The following GRID2 variants were observed in gnomAD, a reference collection of about 807,000 sequenced individuals.
The protein encoded by GRID2 is glutamate ionotropic receptor delta type subunit 2.
In GRID2, 33 loss-of-function variants were observed where a neutral mutation model predicts 114.8. That is an observed-to-expected ratio of 0.29 (90% CI 0.22 to 0.38). The LOEUF (loss-of-function observed/expected upper bound fraction) is 0.38, where lower values mean the gene tolerates loss of function less well. Ranked by LOEUF, GRID2 falls within the 10% of genes least tolerant of loss-of-function variation. The probability of loss-of-function intolerance (pLI) is 1.00; values close to 1 mark genes in which losing one functional copy is unlikely to be tolerated. For synonymous variants in GRID2, 505 were observed against 449.9 expected (o/e 1.12, Z -1.55); for missense variants, 1,184 against 1,257.7 (o/e 0.94, Z 0.89).
At chr4:92,308,431 A>T (rs1019104629) in intron 1 of GRID2, among the ~76,000 whole-genome samples, 10 of 152,134 alleles carry the variant, frequency 6.6e-5, no homozygotes, top group African/African-American at 2.4e-4. Flanking sequence ...AAAATACCTT[A>T]TGTCAACATG....
chr4:93,461,864 G>T (rs777862909), intron 11 of GRID2, among the ~76,000 whole-genome samples: 1 of 152,096 alleles, frequency 6.6e-6, no homozygotes, highest in Non-Finnish European at 1.5e-5. Flanking sequence ...AGTGAAACTG[G>T]ATTTGATTTT....
At chr4:92,453,471 T>C (rs918613091) in intron 1 of GRID2, among the ~76,000 whole-genome samples, 1 of 152,196 alleles carries the variant, frequency 6.6e-6, no homozygotes, top group African/African-American at 2.4e-5. Context: ...TTCATATACA[T>C]ATATGCATAC....
At chr4:92,661,478 G>C (rs1732517251) in intron 2 of GRID2, among the ~76,000 whole-genome samples, 1 of 150,732 alleles carries the variant, frequency 6.6e-6, no homozygotes, top group South Asian at 2.1e-4. Flanking sequence ...TGTCATTCTT[G>C]GTTGGGTTTC....
At chr4:92,524,196 G>A (rs1013170654) in intron 1 of GRID2, among the ~76,000 whole-genome samples, 2 of 152,032 alleles carry the variant, frequency 1.3e-5, no homozygotes, top group African/African-American at 4.8e-5. Flanking sequence ...GAAGAAAATA[G>A]AAGTAAATCC....
At chr4:92,690,843 G>A (rs1327087293) in intron 2 of GRID2, among the ~76,000 whole-genome samples, 1 of 151,392 alleles carries the variant, frequency 6.6e-6, no homozygotes, top group Admixed American at 6.6e-5. Flanking sequence ...AAAAACCTTA[G>A]TTTGTTGATT....
intron 1 of GRID2, among the ~76,000 whole-genome samples, chr4:92,486,223 C>G (rs556637042): frequency 6.6e-6 from 1 of 150,836 alleles, no homozygotes; most frequent in South Asian, 2.1e-4. Flanking sequence ...GATAGCTGAC[C>G]GGTAATCACC....
At chr4:93,313,167 C>A (rs1459752502) in intron 8 of GRID2, among the ~76,000 whole-genome samples, 1 of 151,816 alleles carries the variant, frequency 6.6e-6, no homozygotes, top group African/African-American at 2.4e-5. Flanking sequence ...GGAAAAAAAT[C>A]TGCAGGAAAA....
At chr4:92,761,704 G>A (rs1738018841) in intron 2 of GRID2, among the ~76,000 whole-genome samples, 1 of 152,024 alleles carries the variant, frequency 6.6e-6, no homozygotes, top group Non-Finnish European at 1.5e-5. Flanking sequence ...TATAAAATAT[G>A]AATAGACAAC....
intron 1 of GRID2, among the ~76,000 whole-genome samples, chr4:92,526,453 C>T (rs554806680): frequency 2.0e-5 from 3 of 152,188 alleles, no homozygotes; most frequent in Admixed American, 6.5e-5. Flanking sequence ...AAGGGATTCA[C>T]CTGCCTCAGT....
intron 14 of GRID2, among the ~76,000 whole-genome samples, chr4:93,651,106 G>A (rs185045025): frequency 6.6e-6 from 1 of 152,096 alleles, no homozygotes; most frequent in Non-Finnish European, 1.5e-5. Context: ...ACAAAAGATG[G>A]TAGTGAAATC....
chr4:93,248,567 A>C (rs1186756898), intron 8 of GRID2, among the ~76,000 whole-genome samples: 1 of 152,174 alleles, frequency 6.6e-6, no homozygotes. Flanking sequence ...CTGTAGTCTG[A>C]GAGAAAGATA....
intron 1 of GRID2, among the ~76,000 whole-genome samples, chr4:92,550,050 T>G (rs1034775544): frequency 3.3e-5 from 5 of 152,136 alleles, no homozygotes; most frequent in African/African-American, 1.2e-4. Context: ...GTGAGATAAT[T>G]AAATATTTTA....
rs565793415 is a variant in GRID2, at chr4:93,271,073, G to T, written c.1245+32583G>T. Reference sequence around the variant, plus strand: ...AGGCTACATTATATGATTTGAACTCGCAGTGTTTATGTGGAAATTATATAT... The same window carrying T: ...AGGCTACATTATATGATTTGAACTCTCAGTGTTTATGTGGAAATTATATAT... On this transcript the variant is annotated intron_variant, in intron 8 of 15. Transcript: ENST00000282020. Among the ~76,000 whole-genome samples, 23 of 152,234 alleles carry T rather than the reference G, an allele frequency of 1.5e-4. No individual in the cohort carries two copies. In the South Asian group the frequency reaches 3.7e-3, roughly 25 times the overall value.
chr4:93,807,150 G>A (rs1735049444), exon 2 of GRID2: 1 of 152,216 alleles, frequency 6.6e-6, no homozygotes. Flanking sequence ...TCTATGCAGT[G>A]GACTTCTTGC....
intron 14 of GRID2, among the ~76,000 whole-genome samples, chr4:93,756,218 T>G (rs1038309705): frequency 6.6e-6 from 1 of 152,178 alleles, no homozygotes. Flanking sequence ...CAGATATGAT[T>G]CAGAGGGAGA....
chr4:93,675,805 G>A (rs1724801592), intron 14 of GRID2, among the ~76,000 whole-genome samples: 1 of 152,126 alleles, frequency 6.6e-6, no homozygotes, highest in African/African-American at 2.4e-5. Flanking sequence ...GAATATATAT[G>A]TTATTTTTTC....
chr4:93,774,973 C>G (rs1025524536), downstream of GRID2, among the ~76,000 whole-genome samples: 1 of 151,824 alleles, frequency 6.6e-6, no homozygotes, highest in African/African-American at 2.4e-5. Context: ...TTAAAAATTG[C>G]TTTGCTAGAG....
At chr4:92,927,996 G>A (rs1749951737) in intron 2 of GRID2, among the ~76,000 whole-genome samples, 2 of 151,602 alleles carry the variant, frequency 1.3e-5, no homozygotes, top group South Asian at 4.1e-4. Context: ...AAATTTTACA[G>A]CATTTCAGAT....
intron 1 of GRID2, among the ~76,000 whole-genome samples, chr4:92,385,994 TGTC>T (rs1729942276): frequency 6.6e-6 from 1 of 150,716 alleles, no homozygotes; most frequent in Non-Finnish European, 1.5e-5. Flanking sequence ...CTTTGTGAAA[TGTC>T]GTCTCCTCAC....
Sources: allele counts gnomAD v4.1 joint callset (sites outside exome capture counted in the v4.1 genomes callset), GRCh38; gene constraint gnomAD v4.1.1; transcripts MANE v1.5; gene names NCBI Gene and HGNC (gene_info 2026-07-23, HGNC 2026-07-21).